Variants in MMP26 observed in about 807,000 individuals in gnomAD.
The protein encoded by MMP26 is matrix metallopeptidase 26, also known as matrix metalloproteinase-26.
A neutral mutation model predicts 31.0 loss-of-function variants in MMP26; 33 were observed. The observed-to-expected ratio is 1.06, with a 90% confidence interval of 0.81 to 1.42. MMP26 has a LOEUF of 1.42. Among genes scored for constraint, MMP26 ranks in the 40% most tolerant of loss-of-function variants. The pLI is 0.00. For synonymous variants in MMP26, 122 were observed against 114.9 expected (o/e 1.06, Z -0.40); for missense variants, 347 against 316.1 (o/e 1.10, Z -0.74).
intron 2 of MMP26, among the ~76,000 whole-genome samples, chr11:4,937,113 C>T (rs1846130399): frequency 6.6e-6 from 1 of 152,078 alleles, no homozygotes; most frequent in Non-Finnish European, 1.5e-5. Flanking sequence ...TTCCAGTCTT[C>T]CTTGAAGGCT....
At chr11:4,768,847 A>T (rs1038204345) in intron 2 of MMP26, 2 of 503,134 alleles carry the variant, frequency 4.0e-6, no homozygotes. Flanking sequence ...AATATACAAC[A>T]TATTTACTAT....
At chr11:4,907,654 T>C in intron 2 of MMP26, 1 of 1,614,138 alleles carries the variant, frequency 6.2e-7, no homozygotes, top group South Asian at 1.1e-5. Context: ...TTTCACCTAA[T>C]GCCTGCTTTG....
intron 2 of MMP26, among the ~76,000 whole-genome samples, chr11:4,818,328 C>T (rs995688575): frequency 1.3e-5 from 2 of 151,910 alleles, no homozygotes; most frequent in African/African-American, 4.8e-5. Flanking sequence ...GTTTGGTGAT[C>T]GATATTTTCT....
At chr11:4,938,247 A>G (rs995652796) in intron 2 of MMP26, 1 of 152,188 alleles carries the variant, frequency 6.6e-6, no homozygotes, top group Non-Finnish European at 1.5e-5. Flanking sequence ...TGATCCCGAT[A>G]AGGAGGAATC....
At chr11:4,728,526 T>G (rs1383450233) in intron 1 of MMP26, among the ~76,000 whole-genome samples, 4 of 152,188 alleles carry the variant, frequency 2.6e-5, no homozygotes, top group African/African-American at 9.7e-5. Flanking sequence ...CTGTTATAAG[T>G]GTGAGAGAAT....
chr11:4,899,523 GTC>G (rs1850770943), intron 2 of MMP26, among the ~76,000 whole-genome samples: 1 of 152,112 alleles, frequency 6.6e-6, no homozygotes, highest in Admixed American at 6.6e-5. Flanking sequence ...GGGTAAAAAT[GTC>G]TCTATAGAAT....
chr11:4,933,523 TTTTG>T (rs1851382082), intron 2 of MMP26, among the ~76,000 whole-genome samples: 1 of 129,470 alleles, frequency 7.7e-6, no homozygotes, highest in Non-Finnish European at 1.6e-5. Flanking sequence ...CTGTTATTTT[TTTTG>T]TTTTTTTTTT....
intron 2 of MMP26, among the ~76,000 whole-genome samples, chr11:4,788,917 A>G (rs1404958090): frequency 6.6e-6 from 1 of 152,172 alleles, no homozygotes; most frequent in African/African-American, 2.4e-5. Flanking sequence ...ATGATTATGT[A>G]GCTTTTGACC....
chr11:4,836,873 T>G (rs1351367931), intron 2 of MMP26, among the ~76,000 whole-genome samples: 6 of 151,686 alleles, frequency 4.0e-5, no homozygotes, highest in Non-Finnish European at 8.8e-5. Flanking sequence ...TTCACCATAC[T>G]GGCCAGGCTG....
chr11:4,988,545 C>A (rs1846940910), intron 3 of MMP26, among the ~76,000 whole-genome samples: 1 of 152,230 alleles, frequency 6.6e-6, no homozygotes, highest in East Asian at 1.9e-4. Context: ...GCCTTCTGTG[C>A]CTAATTCAGC....
At chr11:4,858,599 C>T (rs7943315) in intron 2 of MMP26, among the ~76,000 whole-genome samples, 2,120 of 152,272 alleles carry the variant, frequency 0.014, 50 homozygotes, top group African/African-American at 0.048. Context: ...AAGAACATTC[C>T]ATGCTCATGG....
intron 2 of MMP26, among the ~76,000 whole-genome samples, chr11:4,920,622 C>G (rs749419425): frequency 6.6e-6 from 1 of 152,118 alleles, no homozygotes; most frequent in Non-Finnish European, 1.5e-5. Flanking sequence ...AAAGCAAGCA[C>G]AGAACAATTA....
intron 2 of MMP26, among the ~76,000 whole-genome samples, chr11:4,798,242 ATCAC>A (rs1264375542): frequency 2.6e-5 from 4 of 152,230 alleles, no homozygotes; most frequent in African/African-American, 9.6e-5. Context: ...CTCTTTACAC[ATCAC>A]CTGGACCTTT....
Position 4,992,293 on chromosome 11 carries a change from G to C in MMP26, c.*51G>C. 1 of 1,563,992 alleles carries C rather than the reference G, an allele frequency of 6.4e-7. No homozygotes were observed. The highest frequency in any genetic ancestry group is 8.7e-7 in the Non-Finnish European group (1 of 1,146,128). ...CTGTCCTTTCAGGGAGTTTATTGGA[G>C]GATCAAAGAACTGAAAGCACTAGAG... On this transcript the variant is annotated 3_prime_UTR_variant, in exon 8 of 8. Transcript: ENST00000380390.
At chr11:4,712,687 G>A (rs1371481189) in intron 1 of MMP26, among the ~76,000 whole-genome samples, 2 of 152,020 alleles carry the variant, frequency 1.3e-5, no homozygotes, top group South Asian at 2.1e-4. Flanking sequence ...TTTATGAAGT[G>A]TCAATTACAG....
intron 2 of MMP26, among the ~76,000 whole-genome samples, chr11:4,829,278 C>T (rs1162895524): frequency 6.6e-6 from 1 of 152,126 alleles, no homozygotes; most frequent in African/African-American, 2.4e-5. Flanking sequence ...GTTTACTGGA[C>T]TCTTTTCTCC....
At chr11:4,818,499 T>A (rs1849451239) in intron 2 of MMP26, among the ~76,000 whole-genome samples, 1 of 152,210 alleles carries the variant, frequency 6.6e-6, no homozygotes, top group South Asian at 2.1e-4. Flanking sequence ...AAAAAAAGAT[T>A]CATTATATTC....
intron 2 of MMP26, among the ~76,000 whole-genome samples, chr11:4,838,185 G>A (rs1849744625): frequency 6.6e-6 from 1 of 150,522 alleles, no homozygotes; most frequent in Non-Finnish European, 1.5e-5. Context: ...GGGCGTGGTG[G>A]TGGGTGCCCG....
chr11:4,832,713 G>C (rs1170881353), intron 2 of MMP26: 1 of 193,684 alleles, frequency 5.2e-6, no homozygotes, highest in African/African-American at 2.4e-5. Context: ...CTGACAACAG[G>C]GTTAACTTTT....
Sources: gnomAD v4.1 joint callset for allele counts (sites outside exome capture counted in the v4.1 genomes callset) on GRCh38, gnomAD v4.1.1 for gene constraint, MANE v1.5 for transcripts, NCBI Gene and HGNC (gene_info 2026-07-23, HGNC 2026-07-21) for gene names.